NQO1: variants seen among roughly 807,000 people sequenced by gnomAD.
NQO1 encodes the protein NAD(P)H quinone dehydrogenase 1, also known as NAD(P)H dehydrogenase [quinone] 1.
Under a neutral mutation model 32.1 loss-of-function variants are expected in NQO1, and 30 were observed. The observed-to-expected ratio is 0.94, with a 90% CI of 0.70 to 1.27. NQO1 has a LOEUF of 1.27. Among genes scored for constraint, NQO1 ranks in the 50% most tolerant of loss-of-function variants. NQO1 has a pLI of 0.00. For missense variants in NQO1, 276 were observed against 331.3 expected, an observed-to-expected ratio of 0.83 and a Z score of 1.30; for synonymous variants, 109 against 119.7, an observed-to-expected ratio of 0.91 and a Z score of 0.59.
At chr16:69,724,079 C>T (rs559598745) in intron 1 of NQO1, among the ~76,000 whole-genome samples, 46 of 151,174 alleles carry the variant, frequency 3.0e-4, no homozygotes, top group East Asian at 2.8e-3. Flanking sequence ...TTTGGGAGAC[C>T]GAGGCGGGTG....
At chr16:69,725,307 A>G (rs2038246359) in intron 1 of NQO1, among the ~76,000 whole-genome samples, 1 of 152,190 alleles carries the variant, frequency 6.6e-6, no homozygotes, top group African/African-American at 2.4e-5. Flanking sequence ...AGGGAAGGAA[A>G]TTACAAAACA....
Position 69,710,722 on chromosome 16 carries a change from TTTTTC to T in NQO1, c.*249_*253del. The T allele has an allele frequency of 2.1e-6, 1 of 471,292 alleles. No homozygotes were observed. The allele number at this position is 471,292 out of a possible 1,614,324, so 29.2% of individuals were successfully genotyped here. ...ATTGTGTAGATGCCTTTAAAGAACA[TTTTTC>T]TAGCATCTTTCTACATCTTTCCCTA... On this transcript the variant is annotated 3_prime_UTR_variant, in exon 6 of 6. Coordinates refer to ENST00000320623, the MANE Select transcript of NQO1 (RefSeq NM_000903.3).
At chr16:69,719,210 G>A (rs1048813785) in intron 1 of NQO1, among the ~76,000 whole-genome samples, 2 of 152,126 alleles carry the variant, frequency 1.3e-5, no homozygotes, top group African/African-American at 4.8e-5. Flanking sequence ...CAGAAAAATT[G>A]GCACCTTACT....
intron 1 of NQO1, among the ~76,000 whole-genome samples, chr16:69,721,043 ATT>A (rs373230600): frequency 1.5e-5 from 2 of 137,386 alleles, no homozygotes; most frequent in African/African-American, 2.7e-5. Context: ...ACCACACCTA[ATT>A]TTTTTTTTTT....
intron 1 of NQO1, among the ~76,000 whole-genome samples, chr16:69,722,399 ACC>A (rs1242397698): frequency 2.0e-5 from 3 of 151,744 alleles, no homozygotes; most frequent in Admixed American, 2.0e-4. Context: ...TAACCTCATG[ACC>A]CACCTGCCTT....
At position 69,710,726 on chromosome 16, in the gene NQO1, T is replaced by A; in HGVS notation, c.*250A>T. ...TGTAGATGCCTTTAAAGAACATTTT[T>A]CTAGCATCTTTCTACATCTTTCCCT... On this transcript the variant is annotated 3_prime_UTR_variant, in exon 6 of 6. Coordinates refer to ENST00000320623, the MANE Select transcript of NQO1 (RefSeq NM_000903.3). The A allele has an allele frequency of 4.6e-6, 2 of 435,550 alleles. No individual in the cohort carries two copies. The highest frequency in any genetic ancestry group is 3.9e-5 in the East Asian group (1 of 25,920). The allele number at this position is 435,550 out of a possible 1,614,324, so 27.0% of individuals were successfully genotyped here. A position where few individuals can be genotyped will look rare whatever the true frequency, so the allele number is the denominator to read the frequency against.
At chr16:69,720,335 C>T (rs777671522) in intron 1 of NQO1, among the ~76,000 whole-genome samples, 2 of 149,184 alleles carry the variant, frequency 1.3e-5, no homozygotes, top group African/African-American at 2.5e-5. Context: ...GATATCCATG[C>T]TATATTATTA....
At chr16:69,721,831 C>CA (rs11325347) in intron 1 of NQO1, among the ~76,000 whole-genome samples, 19,520 of 97,112 alleles carry the variant, frequency 0.2, 2,216 homozygotes, top group African/African-American at 0.37. Context: ...CCGTTTCTAC[C>CA]AAAAAAAAAA....
At chr16:69,713,001 AAAAG>A (rs748796914) in intron 5 of NQO1, 23 bp downstream of exon 5, 9 of 1,578,382 alleles carry the variant, frequency 5.7e-6, no homozygotes, top group Non-Finnish European at 2.6e-6. Context: ...TCAAAGAAAA[AAAAG>A]AAAAGAAAAG....
At position 69,711,127 on chromosome 16, in the gene NQO1, G is replaced by A. The variant is rs2038033541; in HGVS notation, c.674C>T (p.Pro225Leu). ...GAAGTTTAGGTCAAAGAGGCTGCTT[G>A]GAGCAAAATACAGTGGTGTCTCATC... is the stretch of plus-strand genomic sequence containing the variant. ...IWDETPLYFA[P>L]SSLFDLNFQA... The change falls in exon 6 of 6, where the codon CCA (proline) becomes CTA (leucine). Residue 225 changes from proline to leucine, a missense_variant. Transcript: ENST00000320623. 6.2e-7 allele frequency: 1 copy of A among 1,614,170 alleles called. No homozygotes were observed. Among genetic ancestry groups the A allele is most frequent in the Non-Finnish European group, 8.5e-7 (1 of 1,180,028 alleles).
chr16:69,726,463 T>C lies in NQO1; in HGVS notation c.-24A>G. ...ATGGCTCTGGTGCAGTCCGGGGCGC[T>C]GATTGGCTGGGCTCGTGGTTGCCGG... On this transcript the variant is annotated 5_prime_UTR_variant, in exon 1 of 6. Coordinates refer to ENST00000320623, the MANE Select transcript of NQO1 (RefSeq NM_000903.3). The C allele has an allele frequency of 1.2e-6, 2 of 1,607,122 alleles. No homozygotes were observed. Among genetic ancestry groups the C allele is most frequent in the South Asian group, 1.1e-5 (1 of 90,918 alleles).
intron 1 of NQO1, among the ~76,000 whole-genome samples, chr16:69,719,408 A>G (rs1480862646): frequency 6.6e-6 from 1 of 152,218 alleles, no homozygotes; most frequent in East Asian, 1.9e-4. Context: ...AAAATTAGAT[A>G]TAACCTGATT....
rs2151741867 is a variant in NQO1, at chr16:69,711,236, G to C, written c.565C>G (p.Leu189Val). The C allele has an allele frequency of 6.2e-7, 1 of 1,612,444 alleles. No homozygotes were observed. The change falls in exon 6 of 6, where the codon CTG becomes GTG. Residue 189 changes from leucine to valine, a missense_variant. By Grantham distance (32) the Leu-to-Val change is conservative. Transcript: ENST00000320623. ...FCGFQVLEPQ[L>V]TYSIGHTPAD... ...GGAGTGTGCCCAATGCTATATGTCA[G>C]TTGAGGTTCTAAGACTTGGAAGCCA...
chr16:69,723,066 T>C (rs1289214387), intron 1 of NQO1, among the ~76,000 whole-genome samples: 2 of 152,164 alleles, frequency 1.3e-5, no homozygotes, highest in South Asian at 4.1e-4. Context: ...TAGCTGGGAT[T>C]ACAGGCGCTC....
At chr16:69,726,377 C>T in intron 1 of NQO1, 56 bp downstream of exon 1, 1 of 1,607,080 alleles carries the variant, frequency 6.2e-7, no homozygotes, top group Non-Finnish European at 8.5e-7. Flanking sequence ...ACCTCCTCCA[C>T]AGGCACCAGT....
At chr16:69,725,695 C>A (rs916903886) in intron 1 of NQO1, among the ~76,000 whole-genome samples, 7 of 152,088 alleles carry the variant, frequency 4.6e-5, no homozygotes, top group Admixed American at 2.6e-4. Flanking sequence ...GCCAACTTGG[C>A]GAAACCCGTC....
At position 69,711,163 on chromosome 16, in the gene NQO1, T is replaced by C. The variant is rs2038034501; in HGVS notation, c.638A>G (p.Glu213Gly). 3 of 1,614,216 alleles carry C rather than the reference T, an allele frequency of 1.9e-6. No homozygotes were observed. In the East Asian group the frequency reaches 6.7e-5, roughly 36 times the overall value. ...CAGTGGTGTCTCATCCCAAATATTC[T>C]CCAGGCGTTTCTTCCATCCTTCCAG... ...QILEGWKKRLENIWDETPLYF... is the reference protein window; with the variant it reads ...QILEGWKKRLGNIWDETPLYF... Residue 213 changes from glutamate to glycine, a missense_variant, in exon 6 of 6, where the codon GAG (glutamate) becomes GGG (glycine). Physicochemically the swap from Glu to Gly is moderately conservative, Grantham distance 98 (BLOSUM62 -2). Transcript: ENST00000320623.
chr16:69,722,942 T>G (rs1035350282), intron 1 of NQO1, among the ~76,000 whole-genome samples: 9 of 152,180 alleles, frequency 5.9e-5, no homozygotes, highest in African/African-American at 1.7e-4. Flanking sequence ...TTGTTTGTTT[T>G]TTTGAGACAG....
In NQO1 at chr16:69,711,013, G is replaced by T; in HGVS notation, c.788C>A (p.Ser263Tyr). The T allele has an allele frequency of 6.2e-7, 1 of 1,614,140 alleles. No homozygotes were observed. The highest frequency in any genetic ancestry group is 8.5e-7 in the Non-Finnish European group (1 of 1,180,020). ...TTTGATCTGGTTGTCAGTTGGGATG[G>T]ACTTGCCCAAGTGATGGCCCACAGA... ...GLSVGHHLGK[S>Y]IPTDNQIKAR... Residue 263 changes from serine (S) to tyrosine (Y), a missense_variant, in exon 6 of 6, where the codon TCC becomes TAC. By Grantham distance (144) the Ser-to-Tyr change is moderately radical. Transcript: ENST00000320623.
Sources: gnomAD v4.1 joint callset for allele counts (sites outside exome capture counted in the v4.1 genomes callset) on GRCh38, gnomAD v4.1.1 for gene constraint, MANE v1.5 for transcripts, NCBI Gene and HGNC (gene_info 2026-07-23, HGNC 2026-07-21) for gene names.